The following ANKDD1B variants were observed in gnomAD, a reference collection of about 807,000 sequenced individuals.
The protein encoded by ANKDD1B is ankyrin repeat and death domain-containing protein 1B.
A neutral mutation model predicts 59.7 loss-of-function variants in ANKDD1B; 57 were observed. That is an observed-to-expected ratio of 0.95 (90% CI 0.77 to 1.19). The LOEUF (loss-of-function observed/expected upper bound fraction) is 1.19. ANKDD1B is among the 50% of genes most tolerant of loss of function. ANKDD1B has a pLI of 0.00. For synonymous variants in ANKDD1B, 216 were observed against 239.5 expected (o/e 0.90, Z 0.91); for missense variants, 602 against 641.9 (o/e 0.94, Z 0.67).
intron 3 of ANKDD1B, among the ~76,000 whole-genome samples, chr5:75,622,273 C>T (rs1472356151): frequency 1.3e-5 from 2 of 152,194 alleles, no homozygotes; most frequent in Non-Finnish European, 2.9e-5. Context: ...ATGCACATCA[C>T]CTGCAAGCTT....
At chr5:75,619,386 A>G (rs556494095) in intron 2 of ANKDD1B, among the ~76,000 whole-genome samples, 1 of 152,294 alleles carries the variant, frequency 6.6e-6, no homozygotes, top group Non-Finnish European at 1.5e-5. Context: ...TTTTTCCTTT[A>G]AAAACCTTTG....
intron 1 of ANKDD1B, among the ~76,000 whole-genome samples, chr5:75,616,465 A>G (rs1203459804): frequency 6.6e-6 from 1 of 152,116 alleles, no homozygotes; most frequent in African/African-American, 2.4e-5. Flanking sequence ...AATCTTGTAC[A>G]AGGTTTTTTA....
intron 7 of ANKDD1B, among the ~76,000 whole-genome samples, chr5:75,648,615 C>T (rs189221227): frequency 1.6e-4 from 25 of 152,262 alleles, no homozygotes; most frequent in Admixed American, 1.4e-3. Context: ...TGGAAATGAT[C>T]GTGAATCCAT....
At chr5:75,636,154 C>T (rs1291127947) in intron 7 of ANKDD1B, among the ~76,000 whole-genome samples, 1 of 151,932 alleles carries the variant, frequency 6.6e-6, no homozygotes, top group Admixed American at 6.5e-5. Flanking sequence ...GCCTACAGGG[C>T]AAGAAAGGCA....
At position 75,639,266 on chromosome 5, in the gene ANKDD1B, G is replaced by A. The variant is rs183876027; in HGVS notation, c.798+3384G>A. ...GGCGGGAGTACAATGGTGTGATCTCGGCTCACTGCAAACTCTGCCTCCCAG... is the reference window on the plus strand; with the variant it reads ...GGCGGGAGTACAATGGTGTGATCTCAGCTCACTGCAAACTCTGCCTCCCAG... On this transcript the variant is annotated intron_variant, in intron 7 of 13. Transcript: ENST00000601380. 8.5e-4 allele frequency among the ~76,000 whole-genome samples: 128 copies of A among 151,400 alleles called. No individual in the cohort carries two copies. The Middle Eastern group carries it at 0.01, about 12-fold the overall frequency.
At chr5:75,638,440 T>C (rs1351561970) in intron 7 of ANKDD1B, among the ~76,000 whole-genome samples, 2 of 152,184 alleles carry the variant, frequency 1.3e-5, no homozygotes, top group African/African-American at 4.8e-5. Flanking sequence ...TCAGTTAGAG[T>C]GACCCATGTG....
At chr5:75,660,632 G>T (rs1775110774) in intron 10 of ANKDD1B, among the ~76,000 whole-genome samples, 1 of 152,202 alleles carries the variant, frequency 6.6e-6, no homozygotes, top group South Asian at 2.1e-4. Context: ...GCTGTGTTAG[G>T]TTCCAGCTTT....
chr5:75,648,080 T>C (rs1190958487), intron 7 of ANKDD1B, among the ~76,000 whole-genome samples: 13 of 93,890 alleles, frequency 1.4e-4, no homozygotes, highest in Admixed American at 1.3e-4. Context: ...GGAAGGGGAA[T>C]ATCACACTCT....
At chr5:75,652,496 C>T (rs1774859253) in intron 7 of ANKDD1B, among the ~76,000 whole-genome samples, 1 of 152,184 alleles carries the variant, frequency 6.6e-6, no homozygotes, top group Non-Finnish European at 1.5e-5. Context: ...GGCTGGAGTG[C>T]AGTGGCATGA....
At chr5:75,662,149 CT>C (rs1775173233) in intron 10 of ANKDD1B, among the ~76,000 whole-genome samples, 1 of 152,022 alleles carries the variant, frequency 6.6e-6, no homozygotes, top group South Asian at 2.1e-4. Flanking sequence ...GAAGATTTTC[CT>C]TTGAACTTGG....
intron 5 of ANKDD1B, among the ~76,000 whole-genome samples, chr5:75,627,976 G>A (rs1774037329): frequency 6.6e-6 from 1 of 152,194 alleles, no homozygotes; most frequent in African/African-American, 2.4e-5. Context: ...ACTGCAGAGA[G>A]TAATGTCCAG....
At chr5:75,651,066 A>G (rs1774816662) in intron 7 of ANKDD1B, among the ~76,000 whole-genome samples, 1 of 152,218 alleles carries the variant, frequency 6.6e-6, no homozygotes, top group South Asian at 2.1e-4. Context: ...GGCAGAGAGC[A>G]GCAGCTGCCA....
chr5:75,626,660 A>G (rs1296631942), intron 5 of ANKDD1B, among the ~76,000 whole-genome samples: 1 of 152,224 alleles, frequency 6.6e-6, no homozygotes, highest in Non-Finnish European at 1.5e-5. Flanking sequence ...GAGAGCCAGG[A>G]CTTGAAGCCA....
intron 10 of ANKDD1B, among the ~76,000 whole-genome samples, chr5:75,662,165 T>C (rs1775173890): frequency 6.6e-6 from 1 of 152,166 alleles, no homozygotes. Context: ...ACTTGGAAAC[T>C]CTGGCTCTCA....
At chr5:75,616,710 T>C in intron 1 of ANKDD1B, 94 bp from the exon 2 acceptor site, 1 of 526,928 alleles carries the variant, frequency 1.9e-6, no homozygotes, top group Non-Finnish European at 3.3e-6. Context: ...TGTGAAAGAC[T>C]CAAAGCTGTT....
At chr5:75,615,904 T>C (rs1395277282) in intron 1 of ANKDD1B, among the ~76,000 whole-genome samples, 1 of 152,168 alleles carries the variant, frequency 6.6e-6, no homozygotes, top group East Asian at 1.9e-4. Context: ...AAGAAGATAC[T>C]CCTTGGTTGG....
At chr5:75,641,035 G>T (rs984241529) in intron 7 of ANKDD1B, among the ~76,000 whole-genome samples, 1 of 152,046 alleles carries the variant, frequency 6.6e-6, no homozygotes, top group Non-Finnish European at 1.5e-5. Context: ...CAGAGAAGAC[G>T]CTGAAAAAAA....
At chr5:75,657,887 A>T (rs907236741) in intron 9 of ANKDD1B, among the ~76,000 whole-genome samples, 28 of 147,178 alleles carry the variant, frequency 1.9e-4, no homozygotes, top group Non-Finnish European at 3.6e-4. Flanking sequence ...ACAGAGTGAG[A>T]CTCCATCTCA....
chr5:75,611,681 G>A lies in ANKDD1B; in HGVS notation c.47G>A (p.Gly16Glu), dbSNP rs1416647484. 7.3e-6 allele frequency: 9 copies of A among 1,227,268 alleles called. No homozygotes were observed. The highest frequency in any genetic ancestry group is 8.1e-6 in the Non-Finnish European group (8 of 987,988). 76.0% of individuals were successfully genotyped at this position (1,227,268 alleles called of 1,614,324 possible). Residue 16 changes from glycine to glutamate, a missense_variant, in exon 1 of 14, where the codon GGG (glycine) becomes GAG (glutamate). Gly to Glu is a moderately conservative substitution (Grantham distance 98). Transcript: ENST00000601380. The stretch of plus-strand genomic sequence containing the variant: ...CGGGGCCAAGGGGCCACGGCAGGGG[G>A]GCTGCTGCTCCGGGCTGCTGCGGCC... ...RARGQGATAG[G>E]LLLRAAAAAK... is the part of the protein sequence containing the mutation.
Sources: allele counts gnomAD v4.1 joint callset (sites outside exome capture counted in the v4.1 genomes callset), GRCh38; gene constraint gnomAD v4.1.1; transcripts MANE v1.5; gene names NCBI Gene and HGNC (gene_info 2026-07-23, HGNC 2026-07-21).